THSD4: variants seen among roughly 807,000 people sequenced by gnomAD.
The protein encoded by THSD4 is thrombospondin type-1 domain-containing protein 4.
In THSD4, 69 loss-of-function variants were observed where a neutral mutation model predicts 119.0. The ratio of observed to expected loss-of-function variants is 0.58; its 90% CI spans 0.48 to 0.71. The LOEUF (loss-of-function observed/expected upper bound fraction) is 0.71. THSD4 is among the 30% of genes least tolerant of loss of function. The pLI is 0.00. For synonymous variants in THSD4, 524 were observed against 540.4 expected (o/e 0.97, Z 0.42); for missense variants, 1,393 against 1,391.1 (o/e 1.00, Z -0.02).
At chr15:71,229,966 A>G (rs2044047323) in intron 4 of THSD4, among the ~76,000 whole-genome samples, 1 of 152,244 alleles carries the variant, frequency 6.6e-6, no homozygotes, top group Non-Finnish European at 1.5e-5. Flanking sequence ...TGCTTCCTCT[A>G]CGAGCCTTTC....
At position 71,773,200 on chromosome 15, in the gene THSD4, C is replaced by CAAA. The variant is rs5813665; in HGVS notation, c.2914+2005_2914+2007dup. Among the ~76,000 whole-genome samples the CAAA allele has an allele frequency of 2.0e-3, 110 of 53,976 alleles. 3 individuals carry two copies. The highest frequency in any genetic ancestry group is 6.9e-3 in the African/African-American group (101 of 14,630). 35.4% of individuals were successfully genotyped at this position (53,976 alleles called of 152,430 possible). On this transcript the variant is annotated intron_variant, in intron 17 of 17. Coordinates refer to ENST00000261862, the MANE Select transcript of THSD4 (RefSeq NM_024817.3). ...TAGGAGACAGAGTGAGACCATGTCT[C>CAAA]AAAAAAAAAAAAAAAGAAAAAGAAA... is the stretch of plus-strand genomic sequence containing the variant.
intron 1 of THSD4, among the ~76,000 whole-genome samples, chr15:71,128,330 C>T (rs2040472594): frequency 6.6e-6 from 1 of 151,898 alleles, no homozygotes; most frequent in South Asian, 2.1e-4. Flanking sequence ...AGTTTGAGAC[C>T]AGCCTGGCCA....
intron 6 of THSD4, among the ~76,000 whole-genome samples, chr15:71,328,847 C>A (rs185565295): frequency 7.9e-5 from 12 of 152,280 alleles, no homozygotes; most frequent in Admixed American, 7.2e-4. Flanking sequence ...TCCTTAGAGG[C>A]AATGTGGTAT....
At chr15:71,330,010 G>C (rs2045400988) in intron 6 of THSD4, among the ~76,000 whole-genome samples, 1 of 151,968 alleles carries the variant, frequency 6.6e-6, no homozygotes, top group African/African-American at 2.4e-5. Context: ...AGCCTGGGAG[G>C]TCGAGGCTGC....
At chr15:71,264,106 C>T (rs925277072) in intron 6 of THSD4, among the ~76,000 whole-genome samples, 1 of 152,192 alleles carries the variant, frequency 6.6e-6, no homozygotes, top group East Asian at 1.9e-4. Context: ...CATGATGGGG[C>T]AGGGGGCGCT....
intron 6 of THSD4, chr15:71,341,090 G>A: frequency 9.0e-7 from 1 of 1,111,638 alleles, no homozygotes; most frequent in Non-Finnish European, 1.3e-6. Context: ...CTTTTCTATT[G>A]TCTCTTCTGT....
intron 6 of THSD4, among the ~76,000 whole-genome samples, chr15:71,336,551 G>A (rs537233416): frequency 1.3e-5 from 2 of 152,246 alleles, no homozygotes; most frequent in African/African-American, 4.8e-5. Flanking sequence ...TATATTCCAC[G>A]TGGAACCATA....
Position 71,777,357 on chromosome 15 carries a change from T to TA in THSD4, c.3040_3041insA (p.Phe1014TyrfsTer14). On this transcript the variant is annotated frameshift_variant, in exon 18 of 18. Coordinates refer to ENST00000261862, the MANE Select transcript of THSD4 (RefSeq NM_024817.3). LOFTEE classifies it high-confidence loss of function. ...CCGTGTGGCCAACAGGCAGACGGGC[T>TA]TCCTGGGGAGCAGATAACACTCCTG... is the stretch of plus-strand genomic sequence containing the variant. 6.2e-7 allele frequency: 1 copy of TA among 1,614,032 alleles called. No homozygotes were observed. The highest frequency in any genetic ancestry group is 8.5e-7 in the Non-Finnish European group (1 of 1,180,004).
At chr15:71,291,988 C>A (rs2044798477) in intron 6 of THSD4, among the ~76,000 whole-genome samples, 1 of 152,178 alleles carries the variant, frequency 6.6e-6, no homozygotes, top group South Asian at 2.1e-4. Context: ...CCTCTAATAG[C>A]TTCTCAAGAA....
intron 6 of THSD4, among the ~76,000 whole-genome samples, chr15:71,399,126 G>C (rs1240936589): frequency 6.6e-6 from 1 of 152,036 alleles, no homozygotes; most frequent in African/African-American, 2.4e-5. Context: ...GTGGAGTAGT[G>C]AGGTGGGGGG....
chr15:71,326,687 AAAAAAAAAAAAAAAT>A (rs1238205403), intron 6 of THSD4, among the ~76,000 whole-genome samples: 5 of 49,482 alleles, frequency 1.0e-4, no homozygotes, highest in African/African-American at 2.8e-4. Context: ...AAAAAAAAAA[AAAAAAAAAAAAAAAT>A]ATATATATAT....
At chr15:71,531,351 AAATAGACAAGGT>A (rs1372411149) in intron 7 of THSD4, among the ~76,000 whole-genome samples, 1 of 152,210 alleles carries the variant, frequency 6.6e-6, no homozygotes, top group Non-Finnish European at 1.5e-5. Flanking sequence ...ATTGTGTTGG[AAATAGACAAGGT>A]AGAAGCCCAG....
chr15:71,161,082 G>A (rs139014132), intron 3 of THSD4, among the ~76,000 whole-genome samples: 2 of 152,020 alleles, frequency 1.3e-5, no homozygotes, highest in East Asian at 1.9e-4. Context: ...TTTCTTGTTG[G>A]TTTCTAGTTT....
At chr15:71,483,948 T>C (rs1458482909) in intron 7 of THSD4, among the ~76,000 whole-genome samples, 2 of 152,182 alleles carry the variant, frequency 1.3e-5, no homozygotes, top group Admixed American at 6.5e-5. Context: ...TATGTAGCCT[T>C]GATTCTTCCT....
intron 7 of THSD4, among the ~76,000 whole-genome samples, chr15:71,535,330 A>C (rs1437215630): frequency 6.6e-6 from 1 of 152,194 alleles, no homozygotes; most frequent in Non-Finnish European, 1.5e-5. Context: ...TGTATTGCCA[A>C]ACTATATTCT....
intron 6 of THSD4, among the ~76,000 whole-genome samples, chr15:71,270,210 G>T (rs1287042967): frequency 6.6e-6 from 1 of 152,076 alleles, no homozygotes; most frequent in Admixed American, 6.6e-5. Context: ...ATACTACAAG[G>T]CTACAGTAAC....
chr15:71,512,138 A>G (rs544167233), intron 7 of THSD4, among the ~76,000 whole-genome samples: 2 of 152,260 alleles, frequency 1.3e-5, no homozygotes, highest in African/African-American at 4.8e-5. Context: ...AACACATGGC[A>G]AATTCTATGC....
At chr15:71,700,056 A>G (rs1022156737) in intron 8 of THSD4, among the ~76,000 whole-genome samples, 2 of 152,238 alleles carry the variant, frequency 1.3e-5, no homozygotes, top group Admixed American at 6.5e-5. Context: ...CGAGGAAAAG[A>G]TAAGGATACT....
intron 17 of THSD4, 111 bp downstream of exon 17, chr15:71,771,319 A>G: frequency 7.4e-7 from 1 of 1,348,848 alleles, no homozygotes; most frequent in Non-Finnish European, 1.0e-6. Flanking sequence ...CCTTGCACAC[A>G]GTCATGGAGT....
Sources: gnomAD v4.1 joint callset for allele counts (sites outside exome capture counted in the v4.1 genomes callset) on GRCh38, gnomAD v4.1.1 for gene constraint, MANE v1.5 for transcripts, NCBI Gene and HGNC (gene_info 2026-07-23, HGNC 2026-07-21) for gene names.